Variants in CYP3A43 observed in about 807,000 individuals in gnomAD.
CYP3A43 encodes cytochrome P450 family 3 subfamily A member 43, also known as cytochrome P450 3A43.
A neutral mutation model predicts 58.0 loss-of-function variants in CYP3A43; 45 were observed. The ratio of observed to expected loss-of-function variants is 0.78; its 90% CI spans 0.61 to 0.99. The LOEUF is 0.99. Among genes scored for constraint, CYP3A43 ranks in the 50% least tolerant of loss-of-function variants. The pLI, the probability that CYP3A43 is intolerant of heterozygous loss-of-function variation, is 0.00. For missense variants in CYP3A43, 593 were observed against 591.9 expected (o/e 1.00, Z -0.02); for synonymous variants, 191 against 201.4 (o/e 0.95, Z 0.44).
chr7:99,843,468 TA>T (rs924906194), intron 3 of CYP3A43, among the ~76,000 whole-genome samples: 6 of 152,230 alleles, frequency 3.9e-5, no homozygotes, highest in East Asian at 1.9e-4. Flanking sequence ...CTGTTTATTT[TA>T]TTTTTTTTTA....
Position 99,855,632 on chromosome 7 carries a change from A to G in CYP3A43, c.712A>G (p.Ile238Val), listed in dbSNP as rs745768776. The G allele has an allele frequency of 1.9e-6, 3 of 1,613,348 alleles. No homozygotes were observed. The highest frequency in any genetic ancestry group is 2.2e-5 in the South Asian group (2 of 90,870). The part of the protein sequence containing the change: ...FLTPVFEALN[I>V]GLFPKDVTHF... ...TACCCCAGTTTTTGAAGCCCTAAAT[A>G]TCGGTTTGTTTCCAAAAGATGTTAC... Residue 238 changes from isoleucine (I) to valine (V), a missense_variant, in exon 8 of 13, where the codon ATC becomes GTC. Ile to Val is a conservative substitution (Grantham distance 29). Transcript: ENST00000354829.
intron 4 of CYP3A43, among the ~76,000 whole-genome samples, chr7:99,846,797 A>C (rs1014209032): frequency 2.6e-5 from 4 of 152,186 alleles, no homozygotes; most frequent in African/African-American, 9.6e-5. Context: ...TTTTATCCTA[A>C]ATAAGCATTG....
At chr7:99,862,208 A>T (rs1392274859) in intron 11 of CYP3A43, among the ~76,000 whole-genome samples, 1 of 152,212 alleles carries the variant, frequency 6.6e-6, no homozygotes, top group Admixed American at 6.5e-5. Flanking sequence ...TCATTTCACC[A>T]TAATGTTATT....
chr7:99,865,005 A>G (rs1444129848), intron 12 of CYP3A43, among the ~76,000 whole-genome samples: 1 of 148,406 alleles, frequency 6.7e-6, no homozygotes, highest in East Asian at 1.9e-4. Flanking sequence ...ATTCTAAAGT[A>G]GGCTTTGTGC....
rs1818440840 is a variant in CYP3A43, at chr7:99,866,081, A to C, written c.*80A>C. 7 of 878,242 alleles carry C rather than the reference A, an allele frequency of 8.0e-6. No individual in the cohort carries two copies. The South Asian group carries it at 1.4e-4, about 18-fold the overall frequency. The allele number at this position is 878,242 out of a possible 1,614,324, so 54.4% of individuals were successfully genotyped here. A position where few individuals can be genotyped will look rare whatever the true frequency, so the allele number is the denominator to read the frequency against. The stretch of plus-strand genomic sequence containing the variant: ...CACTTCAAATTGTTTTGTGAATAAA[A>C]CTCAGAAATGAAGATGAGCTTAATT... On this transcript the variant is annotated 3_prime_UTR_variant, in exon 13 of 13. Coordinates refer to ENST00000354829, the MANE Select transcript of CYP3A43 (RefSeq NM_057095.3).
chr7:99,849,704 C>A lies in CYP3A43; in HGVS notation c.670+10C>A. On this transcript the variant is annotated intron_variant, in intron 7 of 12. Transcript: ENST00000354829. ...TTTTTACTCTTAATATGTATGTGGA[C>A]TTTTATGTTATTTCTCTCTCTCTCT... 6.4e-7 allele frequency: 1 copy of A among 1,558,496 alleles called. No homozygotes were observed. The highest frequency in any genetic ancestry group is 2.0e-5 in the Admixed American group (1 of 49,024).
intron 6 of CYP3A43, 96 bp from the exon 7 acceptor site, chr7:99,849,450 C>T (rs1817662224): frequency 2.1e-6 from 3 of 1,411,796 alleles, no homozygotes; most frequent in South Asian, 1.6e-5. Flanking sequence ...TGGGTTTTCA[C>T]CTGTCTTGCT....
intron 1 of CYP3A43, among the ~76,000 whole-genome samples, chr7:99,834,896 G>A (rs7807561): frequency 0.042 from 6,396 of 152,226 alleles, 450 homozygotes; most frequent in African/African-American, 0.15. Context: ...GCCTCCCATG[G>A]CCACTGGTCC....
In CYP3A43 at chr7:99,866,035, G is replaced by T. The variant is rs775846522; in HGVS notation, c.*34G>T. The T allele has an allele frequency of 3.5e-6, 5 of 1,416,988 alleles. No individual in the cohort carries two copies. Among genetic ancestry groups the T allele is most frequent in the Non-Finnish European group, 3.9e-6 (4 of 1,022,112 alleles). 87.8% of individuals were successfully genotyped at this position (1,416,988 alleles called of 1,614,324 possible). A position where few individuals can be genotyped will look rare whatever the true frequency, so the allele number is the denominator to read the frequency against. On this transcript the variant is annotated 3_prime_UTR_variant, in exon 13 of 13. Coordinates refer to ENST00000354829, the MANE Select transcript of CYP3A43 (RefSeq NM_057095.3). ...AAGGACTTCCACTTTGTTCAAGAAAGCTGTATCCCAGAACACTAGACACTT... is the reference window on the plus strand; with the variant it reads ...AAGGACTTCCACTTTGTTCAAGAAATCTGTATCCCAGAACACTAGACACTT...
chr7:99,838,963 GA>G (rs886074117), intron 2 of CYP3A43, among the ~76,000 whole-genome samples, 156 bp from the exon 3 acceptor site: 3 of 150,106 alleles, frequency 2.0e-5, no homozygotes, highest in Non-Finnish European at 4.4e-5. Context: ...CTGGGCAGCA[GA>G]AAAAAAGGAA....
intron 1 of CYP3A43, among the ~76,000 whole-genome samples, chr7:99,832,530 G>A (rs1363714295): frequency 7.4e-6 from 1 of 136,022 alleles, no homozygotes; most frequent in African/African-American, 2.8e-5. Flanking sequence ...TCACACACCG[G>A]GGACTGTTGT....
chr7:99,837,273 A>G (rs574116173), intron 2 of CYP3A43, among the ~76,000 whole-genome samples: 243 of 147,640 alleles, frequency 1.6e-3, no homozygotes, highest in African/African-American at 5.9e-3. Flanking sequence ...GAGCCGAGAT[A>G]GCGCCACTGC....
intron 8 of CYP3A43, 30 bp downstream of exon 8, chr7:99,855,748 G>A: frequency 6.4e-7 from 1 of 1,571,830 alleles, no homozygotes; most frequent in South Asian, 1.2e-5. Flanking sequence ...ACATGAGAAT[G>A]TTCACTTTTT....
At chr7:99,852,634 A>G (rs1250716489) in intron 7 of CYP3A43, among the ~76,000 whole-genome samples, 2 of 152,178 alleles carry the variant, frequency 1.3e-5, no homozygotes, top group African/African-American at 4.8e-5. Flanking sequence ...ATTTCTGTAT[A>G]TTGACCTTCT....
At chr7:99,836,783 T>C (rs191192883) in intron 2 of CYP3A43, among the ~76,000 whole-genome samples, 88 of 152,272 alleles carry the variant, frequency 5.8e-4, no homozygotes, top group Non-Finnish European at 1.1e-3. Context: ...CAGCACTCGA[T>C]GTTCAGGACT....
At chr7:99,830,944 T>C (rs1168260271) in intron 1 of CYP3A43, among the ~76,000 whole-genome samples, 1 of 152,230 alleles carries the variant, frequency 6.6e-6, no homozygotes, top group African/African-American at 2.4e-5. Flanking sequence ...ATCCACCTCC[T>C]CTTCATTCAA....
At chr7:99,865,003 G>A (rs759741132) in intron 12 of CYP3A43, among the ~76,000 whole-genome samples, 4 of 148,366 alleles carry the variant, frequency 2.7e-5, no homozygotes, top group Non-Finnish European at 5.9e-5. Context: ...CTATTCTAAA[G>A]TAGGCTTTGT....
intron 9 of CYP3A43, among the ~76,000 whole-genome samples, chr7:99,858,957 A>C (rs1449719611): frequency 6.6e-6 from 1 of 151,980 alleles, no homozygotes; most frequent in Non-Finnish European, 1.5e-5. Flanking sequence ...TCAGCCTCCC[A>C]AAGTGCTGGG....
At position 99,836,628 on chromosome 7, in the gene CYP3A43, C is replaced by T. The variant is rs576308916; in HGVS notation, c.165+82C>T. The T allele has an allele frequency of 3.6e-4, 372 of 1,019,712 alleles. 7 individuals carry two copies. In the South Asian group the frequency reaches 5.8e-3, roughly 16 times the overall value. 63.2% of individuals were successfully genotyped at this position (1,019,712 alleles called of 1,614,324 possible). A position where few individuals can be genotyped will look rare whatever the true frequency, so the allele number is the denominator to read the frequency against. ...TCCTATCAGTAAAAATGCTCCTCCT[C>T]AGGAGGAATTTCCAATGTTTTACAC... On this transcript the variant is annotated intron_variant, in intron 2 of 12. Transcript: ENST00000354829.
Sources: gnomAD v4.1 joint callset for allele counts (sites outside exome capture counted in the v4.1 genomes callset) on GRCh38, gnomAD v4.1.1 for gene constraint, MANE v1.5 for transcripts, NCBI Gene and HGNC (gene_info 2026-07-23, HGNC 2026-07-21) for gene names.